Variants in STXBP5L observed in about 807,000 individuals in gnomAD.
STXBP5L encodes syntaxin-binding protein 5-like.
In STXBP5L, 65 loss-of-function variants were observed where a neutral mutation model predicts 144.5. The observed-to-expected ratio is 0.45, with a 90% CI of 0.37 to 0.55. The LOEUF (loss-of-function observed/expected upper bound fraction) is 0.55. Ranked by LOEUF, STXBP5L falls within the 20% of genes least tolerant of loss-of-function variation. The pLI is 0.00. For missense variants in STXBP5L, 1,298 were observed against 1,405.5 expected (o/e 0.92, Z 1.22); for synonymous variants, 505 against 469.6 (o/e 1.08, Z -0.97).
At chr3:121,107,671 C>T (rs1440057745) in intron 5 of STXBP5L, among the ~76,000 whole-genome samples, 1 of 152,018 alleles carries the variant, frequency 6.6e-6, no homozygotes, top group Non-Finnish European at 1.5e-5. Context: ...CTTCTTTTTG[C>T]TTAGAATTTT....
chr3:121,073,328 C>A (rs1270733591), intron 5 of STXBP5L, among the ~76,000 whole-genome samples: 1 of 152,190 alleles, frequency 6.6e-6, no homozygotes, highest in South Asian at 2.1e-4. Flanking sequence ...ATCTTAACAT[C>A]TTAGGGTTAG....
intron 9 of STXBP5L, among the ~76,000 whole-genome samples, chr3:121,165,508 A>C (rs2046467028): frequency 6.6e-6 from 1 of 152,090 alleles, no homozygotes; most frequent in Non-Finnish European, 1.5e-5. Context: ...TTATGATTTC[A>C]TTGAAGTGGT....
chr3:121,035,590 G>A (rs1033548531), intron 3 of STXBP5L, among the ~76,000 whole-genome samples: 25 of 152,044 alleles, frequency 1.6e-4, no homozygotes, highest in Admixed American at 1.0e-3. Flanking sequence ...ATATCAATAT[G>A]CTGTTTGGGT....
At chr3:121,187,574 A>G (rs1356651912) in intron 9 of STXBP5L, among the ~76,000 whole-genome samples, 1 of 146,344 alleles carries the variant, frequency 6.8e-6, no homozygotes, top group Non-Finnish European at 1.5e-5. Context: ...TAAAAAATGA[A>G]AAATAGAAAA....
At chr3:121,112,961 CT>C (rs1414126761) in intron 5 of STXBP5L, among the ~76,000 whole-genome samples, 2 of 151,958 alleles carry the variant, frequency 1.3e-5, no homozygotes, top group Admixed American at 6.6e-5. Flanking sequence ...TCCTGTTACT[CT>C]TTTTGGGGGG....
intron 5 of STXBP5L, among the ~76,000 whole-genome samples, chr3:121,054,615 G>A (rs977292941): frequency 7.4e-5 from 11 of 149,122 alleles, no homozygotes; most frequent in African/African-American, 2.5e-4. Context: ...GGGAGGGATA[G>A]CATTAGGAGA....
chr3:121,204,095 C>T lies in STXBP5L; in HGVS notation c.878-1828C>T, dbSNP rs541772749. Among the ~76,000 whole-genome samples the T allele has an allele frequency of 1.0e-3, 154 of 152,104 alleles. 1 individual carries two copies. Among genetic ancestry groups the T allele is most frequent in the Middle Eastern group, 3.4e-3 (1 of 294 alleles). Reference sequence around the variant, plus strand: ...TCTACTAAAAATACAAAAAATTAGCCGGGCATGGTGGCACACACCTGTAGT... The same window carrying T: ...TCTACTAAAAATACAAAAAATTAGCTGGGCATGGTGGCACACACCTGTAGT... On this transcript the variant is annotated intron_variant, in intron 9 of 26. Transcript: ENST00000471454.
intron 3 of STXBP5L, among the ~76,000 whole-genome samples, chr3:120,974,198 C>T (rs557760157): frequency 1.4e-4 from 21 of 152,248 alleles, no homozygotes; most frequent in African/African-American, 5.1e-4. Flanking sequence ...TCCTCTCTAG[C>T]ACCTGTTGTT....
intron 3 of STXBP5L, among the ~76,000 whole-genome samples, chr3:120,956,217 C>T (rs1306973309): frequency 6.6e-6 from 1 of 151,732 alleles, no homozygotes; most frequent in Non-Finnish European, 1.5e-5. Flanking sequence ...TTTAGTGTAC[C>T]ATTCAGCGTT....
chr3:120,976,691 A>C (rs1453343236), intron 3 of STXBP5L, among the ~76,000 whole-genome samples: 1 of 152,076 alleles, frequency 6.6e-6, no homozygotes, highest in East Asian at 1.9e-4. Context: ...TAGTGCTATA[A>C]ATTTTCCTCT....
At chr3:120,982,745 C>G (rs945325242) in intron 3 of STXBP5L, among the ~76,000 whole-genome samples, 4 of 152,090 alleles carry the variant, frequency 2.6e-5, no homozygotes, top group Middle Eastern at 3.4e-3. Flanking sequence ...GTGATGTTGT[C>G]AGCTGGTTGG....
chr3:121,046,106 C>T (rs576054415), intron 5 of STXBP5L, among the ~76,000 whole-genome samples: 7 of 152,124 alleles, frequency 4.6e-5, no homozygotes, highest in Non-Finnish European at 1.0e-4. Flanking sequence ...GACTTTTCTG[C>T]ATCTATTGAG....
intron 7 of STXBP5L, among the ~76,000 whole-genome samples, chr3:121,130,768 C>T (rs143333730): frequency 6.6e-6 from 1 of 152,088 alleles, no homozygotes; most frequent in Non-Finnish European, 1.5e-5. Context: ...AATTTTCTTC[C>T]ACTTGAAAAT....
intron 3 of STXBP5L, among the ~76,000 whole-genome samples, chr3:120,984,608 G>C (rs2107905821): frequency 7.7e-6 from 1 of 129,644 alleles, no homozygotes; most frequent in South Asian, 2.4e-4. Flanking sequence ...TTTCCAACTT[G>C]GATGCCTTTC....
At chr3:121,172,079 G>A (rs925956054) in intron 9 of STXBP5L, among the ~76,000 whole-genome samples, 2 of 151,944 alleles carry the variant, frequency 1.3e-5, no homozygotes, top group East Asian at 1.9e-4. Flanking sequence ...TTTGACAAAC[G>A]TGACAAAAAC....
At chr3:121,331,195 T>G (rs2044311109) in intron 20 of STXBP5L, among the ~76,000 whole-genome samples, 1 of 152,190 alleles carries the variant, frequency 6.6e-6, no homozygotes, top group Admixed American at 6.5e-5. Flanking sequence ...GTGGGAAGTT[T>G]CTTTCAGCAG....
chr3:121,067,772 G>T (rs1211130521), intron 5 of STXBP5L, among the ~76,000 whole-genome samples: 1 of 152,036 alleles, frequency 6.6e-6, no homozygotes, highest in Non-Finnish European at 1.5e-5. Flanking sequence ...CTTATGTTTT[G>T]AATCTAAGTT....
At chr3:121,317,913 T>C (rs1040439469) in intron 19 of STXBP5L, among the ~76,000 whole-genome samples, 5 of 152,140 alleles carry the variant, frequency 3.3e-5, no homozygotes, top group Non-Finnish European at 7.4e-5. Flanking sequence ...TTTGTAGTTT[T>C]TAAAGATCTT....
intron 9 of STXBP5L, among the ~76,000 whole-genome samples, chr3:121,188,659 C>G (rs531642286): frequency 6.6e-4 from 100 of 152,218 alleles, no homozygotes; most frequent in African/African-American, 2.4e-3. Context: ...TCAACATACG[C>G]AAATCAATAA....
Sources: gnomAD v4.1 joint callset for allele counts (sites outside exome capture counted in the v4.1 genomes callset) on GRCh38, gnomAD v4.1.1 for gene constraint, MANE v1.5 for transcripts, NCBI Gene and HGNC (gene_info 2026-07-23, HGNC 2026-07-21) for gene names.